ANXA4: variants seen among roughly 807,000 people sequenced by gnomAD.
ANXA4 encodes annexin A4, also known as 35-beta calcimedin.
A neutral mutation model predicts 49.8 loss-of-function variants in ANXA4; 39 were observed. The observed-to-expected ratio is 0.78, with a 90% CI of 0.61 to 1.02. ANXA4 has a LOEUF of 1.02. Ranked by LOEUF, ANXA4 falls within the 50% of genes least tolerant of loss-of-function variation. The probability of loss-of-function intolerance (pLI) is 0.00; values close to 1 mark genes in which losing one functional copy is unlikely to be tolerated. For synonymous variants in ANXA4, 134 were observed against 152.5 expected, an observed-to-expected ratio of 0.88 and a Z score of 0.89; for missense variants, 360 against 410.1, an observed-to-expected ratio of 0.88 and a Z score of 1.05.
chr2:69,824,498 G>A (rs1258889870), intron 12 of ANXA4, among the ~76,000 whole-genome samples: 4 of 130,120 alleles, frequency 3.1e-5, no homozygotes, highest in Non-Finnish European at 4.8e-5. Context: ...ACGAGACTCC[G>A]TCTCAGAAAA....
At chr2:69,799,052 T>C (rs1558511428) in intron 3 of ANXA4, among the ~76,000 whole-genome samples, 1 of 152,210 alleles carries the variant, frequency 6.6e-6, no homozygotes, top group Non-Finnish European at 1.5e-5. Context: ...AGGAGGGGCC[T>C]CATGAGGAGG....
At chr2:69,682,773 G>A (rs189706240) in intron 2 of ANXA4, among the ~76,000 whole-genome samples, 3 of 152,290 alleles carry the variant, frequency 2.0e-5, no homozygotes, top group Non-Finnish European at 4.4e-5. Flanking sequence ...GAGAAATACA[G>A]TGCAGCAAAT....
At chr2:69,806,898 C>T (rs541849991) in intron 5 of ANXA4, among the ~76,000 whole-genome samples, 8 of 152,178 alleles carry the variant, frequency 5.3e-5, no homozygotes, top group African/African-American at 1.7e-4. Context: ...GGGTACTAGG[C>T]TTAATACCTG....
chr2:69,751,562 G>A (rs1037936824), intron 1 of ANXA4, among the ~76,000 whole-genome samples: 1 of 151,930 alleles, frequency 6.6e-6, no homozygotes, highest in Admixed American at 6.6e-5. Context: ...AAAAGACAGG[G>A]CTGGGAGATT....
chr2:69,755,601 A>AC (rs569326640), intron 1 of ANXA4, among the ~76,000 whole-genome samples: 346 of 152,282 alleles, frequency 2.3e-3, no homozygotes, highest in African/African-American at 7.8e-3. Flanking sequence ...ACATGGTGAG[A>AC]CCCTACCTCA....
In ANXA4 at chr2:69,788,050, T is replaced by C. The variant is rs781343773; in HGVS notation, c.10-4T>C. On this transcript the variant is annotated splice_polypyrimidine_tract_variant and splice_region_variant and intron_variant, in intron 2 of 12. Transcript: ENST00000394295. Reference sequence around the variant, plus strand: ...TCAGTAACATCACTCTCTTGTGTGCTCAGGCAACCAAAGGAGGTACTGTCA... The same window carrying C: ...TCAGTAACATCACTCTCTTGTGTGCCCAGGCAACCAAAGGAGGTACTGTCA... The C allele has an allele frequency of 1.2e-6, 2 of 1,613,424 alleles. No individual in the cohort carries two copies. The highest frequency in any genetic ancestry group is 1.7e-6 in the Non-Finnish European group (2 of 1,179,458).
intron 1 of ANXA4, among the ~76,000 whole-genome samples, chr2:69,746,702 C>T (rs975472649): frequency 2.6e-5 from 4 of 151,768 alleles, no homozygotes; most frequent in Non-Finnish European, 5.9e-5. Context: ...CACTGCTTGA[C>T]GTGAAAAAAC....
At chr2:69,680,812 T>C (rs1344473437) in intron 2 of ANXA4, among the ~76,000 whole-genome samples, 2 of 152,200 alleles carry the variant, frequency 1.3e-5, no homozygotes, top group Non-Finnish European at 2.9e-5. Context: ...CATTTATTGA[T>C]TGGCGTATGT....
chr2:69,772,927 G>A (rs1273695287), intron 1 of ANXA4, among the ~76,000 whole-genome samples: 1 of 151,944 alleles, frequency 6.6e-6, no homozygotes, highest in Non-Finnish European at 1.5e-5. Context: ...TGAGGCAGGA[G>A]AATCACTTGA....
intron 3 of ANXA4, among the ~76,000 whole-genome samples, chr2:69,725,162 C>T (rs927253954): frequency 2.0e-5 from 3 of 152,260 alleles, no homozygotes; most frequent in South Asian, 4.1e-4. Context: ...TTACTGATAA[C>T]ATAATGGATG....
At chr2:69,721,574 G>A (rs763936665) in intron 3 of ANXA4, among the ~76,000 whole-genome samples, 3 of 152,008 alleles carry the variant, frequency 2.0e-5, no homozygotes, top group Non-Finnish European at 2.9e-5. Flanking sequence ...GGTGGAACAC[G>A]CCTGTAGTCC....
chr2:69,739,394 T>A (rs1405401492), upstream of ANXA4, among the ~76,000 whole-genome samples: 4 of 151,928 alleles, frequency 2.6e-5, no homozygotes, highest in East Asian at 7.7e-4. Flanking sequence ...AATTTTTTTT[T>A]ATTTAAAAAA....
At chr2:69,743,754 A>G (rs529582991) in intron 1 of ANXA4, among the ~76,000 whole-genome samples, 1 of 152,258 alleles carries the variant, frequency 6.6e-6, no homozygotes, top group South Asian at 2.1e-4. Context: ...AGGCACAGAC[A>G]CACAACTACT....
chr2:69,676,872 G>A (rs754751988), intron 2 of ANXA4, among the ~76,000 whole-genome samples: 1 of 152,044 alleles, frequency 6.6e-6, no homozygotes, highest in Non-Finnish European at 1.5e-5. Context: ...CAGCCTGGGC[G>A]ACAGAGCGGG....
intron 1 of ANXA4, among the ~76,000 whole-genome samples, chr2:69,768,575 G>A (rs894340669): frequency 6.6e-6 from 1 of 152,218 alleles, no homozygotes; most frequent in African/African-American, 2.4e-5. Flanking sequence ...AAAGGAAAGT[G>A]TGCCGTTTAG....
intron 3 of ANXA4, among the ~76,000 whole-genome samples, chr2:69,790,819 T>C (rs1465021025): frequency 1.3e-5 from 2 of 152,196 alleles, no homozygotes. Flanking sequence ...TAGTTTAAAA[T>C]GTAGGCAAGA....
rs557430237 is a variant in ANXA4 at position 69,680,750 on chromosome 2, A to G, written n.766+27468A>G. Among the ~76,000 whole-genome samples the G allele has an allele frequency of 7.9e-5, 12 of 152,266 alleles. No homozygotes were observed. The South Asian group carries it at 2.1e-3, about 26-fold the overall frequency. On this transcript the variant is annotated intron_variant and non_coding_transcript_variant, in intron 2 of 3. Transcript: ENST00000418066. ...TTTATCAAATGCTTTTTCTGGGTCA[A>G]TTGAGATGATCATATAGTTTTTGTC...
At chr2:69,813,217 G>A (rs1673786017) in intron 8 of ANXA4, among the ~76,000 whole-genome samples, 1 of 151,888 alleles carries the variant, frequency 6.6e-6, no homozygotes, top group Non-Finnish European at 1.5e-5. Flanking sequence ...ATAAAAAGTG[G>A]GTCATTACCA....
intron 1 of ANXA4, among the ~76,000 whole-genome samples, chr2:69,772,153 C>T (rs1459765241): frequency 6.6e-6 from 1 of 152,184 alleles, no homozygotes; most frequent in Non-Finnish European, 1.5e-5. Context: ...TTGAATCACC[C>T]CCAAAATGGG....
Sources: allele counts gnomAD v4.1 joint callset (sites outside exome capture counted in the v4.1 genomes callset), GRCh38; gene constraint gnomAD v4.1.1; transcripts MANE v1.5; gene names NCBI Gene and HGNC (gene_info 2026-07-23, HGNC 2026-07-21).